C2CD5: variants seen among roughly 807,000 people sequenced by gnomAD.
C2CD5 encodes the protein C2 domain-containing protein 5.
A neutral mutation model predicts 130.3 loss-of-function variants in C2CD5; 109 were observed. That is an observed-to-expected ratio of 0.84 (90% confidence interval 0.72 to 0.98). C2CD5 has a LOEUF of 0.98. Among genes scored for constraint, C2CD5 ranks in the 50% least tolerant of loss-of-function variants. The pLI, the probability that C2CD5 is intolerant of heterozygous loss-of-function variation, is 0.00. For missense variants in C2CD5, 996 were observed against 1,261.8 expected, an observed-to-expected ratio of 0.79 and a Z score of 3.19; for synonymous variants, 454 against 429.2, an observed-to-expected ratio of 1.06 and a Z score of -0.71.
At chr12:22,499,562 C>A (rs1947484736) in intron 10 of C2CD5, among the ~76,000 whole-genome samples, 1 of 151,976 alleles carries the variant, frequency 6.6e-6, no homozygotes, top group Admixed American at 6.5e-5. Context: ...ACCACCAAAA[C>A]CTAGGTTACC....
rs1011892908 is a variant in C2CD5 at position 22,501,200 on chromosome 12, A to G, written c.1147+5511T>C. ...ATCATTTATGTTCTTTTAACATTCTATAACTTATATCTACCTTTTTTCTTC... is the reference window on the plus strand; with the variant it reads ...ATCATTTATGTTCTTTTAACATTCTGTAACTTATATCTACCTTTTTTCTTC... On this transcript the variant is annotated intron_variant, in intron 10 of 26. Coordinates refer to ENST00000446597, the MANE Select transcript of C2CD5 (RefSeq NM_001286176.2). Among the ~76,000 whole-genome samples, 5 of 152,190 alleles carry G rather than the reference A, an allele frequency of 3.3e-5. No homozygotes were observed. The East Asian group carries it at 5.8e-4, about 18-fold the overall frequency.
intron 2 of C2CD5, among the ~76,000 whole-genome samples, chr12:22,539,137 C>T (rs1477914569): frequency 6.6e-6 from 1 of 152,124 alleles, no homozygotes; most frequent in East Asian, 1.9e-4. Context: ...TTTCTACTTC[C>T]TCACTTCCCA....
intron 25 of C2CD5, among the ~76,000 whole-genome samples, chr12:22,455,332 G>A (rs1386200619): frequency 2.0e-5 from 3 of 152,048 alleles, no homozygotes; most frequent in Non-Finnish European, 4.4e-5. Context: ...GTAAGAAAAC[G>A]ACTCAGGCAA....
intron 3 of C2CD5, among the ~76,000 whole-genome samples, chr12:22,530,107 TATATACACACACACAC>T (rs1370808023): frequency 5.9e-4 from 66 of 111,574 alleles, no homozygotes; most frequent in Middle Eastern, 4.2e-3. Context: ...TATATATATA[TATATACACACACACAC>T]ACACACACAC....
rs1358950147 is a variant in C2CD5 at position 22,530,865 on chromosome 12, T to A, written c.178-2973A>T. On this transcript the variant is annotated intron_variant, in intron 3 of 26. Coordinates refer to ENST00000446597, the MANE Select transcript of C2CD5 (RefSeq NM_001286176.2). The stretch of plus-strand genomic sequence containing the variant: ...AAGCTGCTTGAGTACTCACTAGCTT[T>A]AAAAAATACCAGTTTATTACCATCA... 4.6e-5 allele frequency among the ~76,000 whole-genome samples: 7 copies of A among 152,182 alleles called. 1 individual carries two copies. In the South Asian group the frequency reaches 1.4e-3, roughly 31 times the overall value.
intron 26 of C2CD5, among the ~76,000 whole-genome samples, chr12:22,450,359 A>AC (rs1427500766): frequency 6.6e-6 from 1 of 152,144 alleles, no homozygotes; most frequent in African/African-American, 2.4e-5. Context: ...CATGTATGCA[A>AC]CAAAGATTAA....
chr12:22,479,168 G>A (rs1944331573), intron 14 of C2CD5, among the ~76,000 whole-genome samples: 1 of 151,852 alleles, frequency 6.6e-6, no homozygotes, highest in Admixed American at 6.6e-5. Context: ...CCAACTCCTG[G>A]GTTCAAGCGA....
At chr12:22,491,769 G>A (rs1413834223) in intron 11 of C2CD5, among the ~76,000 whole-genome samples, 1 of 152,046 alleles carries the variant, frequency 6.6e-6, no homozygotes, top group Non-Finnish European at 1.5e-5. Context: ...CTACTAAGGA[G>A]GCTAAGGTGG....
intron 7 of C2CD5, among the ~76,000 whole-genome samples, chr12:22,522,007 C>G (rs1950310873): frequency 6.6e-6 from 1 of 152,182 alleles, no homozygotes; most frequent in Non-Finnish European, 1.5e-5. Context: ...AGTCCACAAA[C>G]TACAGACTGC....
At position 22,523,603 on chromosome 12, in the gene C2CD5, C is replaced by T; in HGVS notation, c.623G>A (p.Gly208Asp). The change falls in exon 7 of 27, where the codon GGC (glycine) becomes GAC (aspartate). Residue 208 changes from glycine to aspartate, a missense_variant. By Grantham distance (94) the Gly-to-Asp change is moderately conservative. Around this residue, in one of 9 missense-constraint regions of C2CD5, gnomAD observed 26 missense variants for 56.6 expected, o/e 0.46. Coordinates refer to ENST00000446597, the MANE Select transcript of C2CD5 (RefSeq NM_001286176.2). ...LMSGELQRKI[G>D]LKVLEMRGNA... Reference sequence around the variant, plus strand: ...TCCTCTCATTTCAAGTACTTTCAAGCCAATCTTCCTCTGCAGCTCACCTAC... The same window carrying T: ...TCCTCTCATTTCAAGTACTTTCAAGTCAATCTTCCTCTGCAGCTCACCTAC... 6.2e-7 allele frequency: 1 copy of T among 1,613,368 alleles called. No homozygotes were observed. The highest frequency in any genetic ancestry group is 8.5e-7 in the Non-Finnish European group (1 of 1,179,830).
intron 1 of C2CD5, 28 bp from the exon 2 acceptor site, chr12:22,544,207 C>T (rs1190490747): frequency 1.8e-5 from 28 of 1,558,548 alleles, no homozygotes; most frequent in Non-Finnish European, 2.4e-5. Flanking sequence ...CGAGTCTGCG[C>T]CGAGCGCGGG....
At chr12:22,528,711 C>T (rs1287758267) in intron 3 of C2CD5, among the ~76,000 whole-genome samples, 1 of 151,868 alleles carries the variant, frequency 6.6e-6, no homozygotes, top group Admixed American at 6.6e-5. Flanking sequence ...TCAGACATAC[C>T]ATACTATTAA....
At chr12:22,498,243 G>C (rs1392728161) in intron 10 of C2CD5, among the ~76,000 whole-genome samples, 1 of 152,142 alleles carries the variant, frequency 6.6e-6, no homozygotes, top group East Asian at 1.9e-4. Context: ...CACCAAAATA[G>C]TGTAAGAATT....
chr12:22,527,927 T>A, intron 3 of C2CD5, 35 bp from the exon 4 acceptor site: 1 of 1,375,544 alleles, frequency 7.3e-7, no homozygotes. Context: ...ACTCATATAG[T>A]TTTTAAATCT....
At chr12:22,452,079 T>G (rs967004475) in intron 26 of C2CD5, among the ~76,000 whole-genome samples, 1 of 152,134 alleles carries the variant, frequency 6.6e-6, no homozygotes, top group Admixed American at 6.5e-5. Context: ...GTGAACAAGT[T>G]GTATAAATTT....
chr12:22,462,915 C>T (rs527266662), intron 22 of C2CD5, among the ~76,000 whole-genome samples: 6 of 151,850 alleles, frequency 4.0e-5, no homozygotes, highest in African/African-American at 1.4e-4. Flanking sequence ...GTTGAAACCC[C>T]ATCACTACAA....
intron 11 of C2CD5, among the ~76,000 whole-genome samples, chr12:22,492,275 G>GA (rs1396716423): frequency 1.3e-5 from 2 of 152,130 alleles, no homozygotes; most frequent in Non-Finnish European, 2.9e-5. Context: ...CTGAAGGGCT[G>GA]AAAGTAGGGT....
Position 22,458,542 on chromosome 12 carries a change from G to T in C2CD5, c.2628C>A (p.Ser876Arg). The part of the protein sequence containing the change: ...DYSSFADRCS[S>R]WIELIKLKAQ... ...CTTTCAGTTTAATGAGCTCTATCCA[G>T]CTGCTGCATCTGTCTGCAAAGGAAC... The change falls in exon 24 of 27, where the codon AGC (serine) becomes AGA (arginine). Residue 876 changes from serine (S) to arginine (R), a missense_variant. Ser to Arg is a moderately radical substitution (Grantham distance 110). Around this residue, in one of 9 missense-constraint regions of C2CD5, gnomAD observed 590 missense variants for 631.4 expected, o/e 0.93. Coordinates refer to ENST00000446597, the MANE Select transcript of C2CD5 (RefSeq NM_001286176.2). 1 of 1,309,386 alleles carries T rather than the reference G, an allele frequency of 7.6e-7. No individual in the cohort carries two copies. Among genetic ancestry groups the T allele is most frequent in the African/African-American group, 1.5e-5 (1 of 66,212 alleles). 81.1% of individuals were successfully genotyped at this position (1,309,386 alleles called of 1,614,324 possible). A position where few individuals can be genotyped will look rare whatever the true frequency, so the allele number is the denominator to read the frequency against.
At chr12:22,516,810 GA>G (rs1029022105) in intron 8 of C2CD5, among the ~76,000 whole-genome samples, 2 of 148,578 alleles carry the variant, frequency 1.3e-5, no homozygotes, top group African/African-American at 2.5e-5. Flanking sequence ...CTCTTTATCT[GA>G]AAAAAAAAAT....
Sources: gnomAD v4.1 joint callset for allele counts (sites outside exome capture counted in the v4.1 genomes callset) on GRCh38, gnomAD v4.1.1 for gene constraint, gnomAD v4.1.1 regional missense constraint, MANE v1.5 for transcripts, NCBI Gene and HGNC (gene_info 2026-07-23, HGNC 2026-07-21) for gene names.